Variants in RYR2 observed in about 807,000 individuals in gnomAD.
The protein encoded by RYR2 is cardiac muscle ryanodine receptor-calcium release channel.
In RYR2, 227 loss-of-function variants were observed where a neutral mutation model predicts 601.1. The ratio of observed to expected loss-of-function variants is 0.38; its 90% CI spans 0.34 to 0.42. The LOEUF (loss-of-function observed/expected upper bound fraction) is 0.42, where lower values mean the gene tolerates loss of function less well. Ranked by LOEUF, RYR2 falls within the 10% of genes least tolerant of loss-of-function variation. The probability of loss-of-function intolerance (pLI) is 1.00; values close to 1 mark genes in which losing one functional copy is unlikely to be tolerated. For synonymous variants in RYR2, 2,223 were observed against 2,175.1 expected (o/e 1.02, Z -0.61); for missense variants, 4,646 against 6,156.5 (o/e 0.75, Z 8.21).
At chr1:237,672,349 A>C (rs1422114547) in intron 58 of RYR2, among the ~76,000 whole-genome samples, 1 of 152,192 alleles carries the variant, frequency 6.6e-6, no homozygotes. Context: ...ATTACAAATT[A>C]AGTTGCCAAA....
chr1:237,528,950 T>G (rs1487645667), intron 24 of RYR2, among the ~76,000 whole-genome samples: 1 of 152,166 alleles, frequency 6.6e-6, no homozygotes, highest in Non-Finnish European at 1.5e-5. Context: ...AATCCTAATA[T>G]TATGATCAAT....
chr1:237,501,955 A>G (rs1003732425), intron 21 of RYR2, among the ~76,000 whole-genome samples: 5 of 152,186 alleles, frequency 3.3e-5, no homozygotes, highest in Non-Finnish European at 5.9e-5. Context: ...AGCCTGGTCA[A>G]CACAGTGAGA....
chr1:237,108,816 A>T (rs1461243682), intron 1 of RYR2, among the ~76,000 whole-genome samples: 1 of 152,186 alleles, frequency 6.6e-6, no homozygotes, highest in Non-Finnish European at 1.5e-5. Context: ...TGTGCTTTCC[A>T]CCAGCGTTCC....
In RYR2 at chr1:237,590,020, A is replaced by T. The variant is rs1674971426; in HGVS notation, c.3807+19A>T. On this transcript the variant is annotated intron_variant, in intron 30 of 104. Coordinates refer to ENST00000366574, the MANE Select transcript of RYR2 (RefSeq NM_001035.3). Reference sequence around the variant, plus strand: ...TATAGAGGTTTGCTTTTTCTTTAAAAATCAGGCCATTTCTAAAAAGCAGGA... The same window carrying T: ...TATAGAGGTTTGCTTTTTCTTTAAATATCAGGCCATTTCTAAAAAGCAGGA... 6.3e-7 allele frequency: 1 copy of T among 1,598,888 alleles called. No individual in the cohort carries two copies. The highest frequency in any genetic ancestry group is 1.7e-5 in the Admixed American group (1 of 58,274).
chr1:237,754,180 A>G (rs766052491), intron 80 of RYR2, among the ~76,000 whole-genome samples: 11 of 149,328 alleles, frequency 7.4e-5, no homozygotes, highest in Non-Finnish European at 1.3e-4. Context: ...AATGACTTTC[A>G]TCATCTTCCT....
At chr1:237,372,602 T>C (rs570441425) in intron 6 of RYR2, among the ~76,000 whole-genome samples, 1 of 152,328 alleles carries the variant, frequency 6.6e-6, no homozygotes, top group East Asian at 1.9e-4. Context: ...CAATCACATA[T>C]TAAAATTTAA....
At chr1:237,327,322 C>G (rs1369558428) in intron 2 of RYR2, among the ~76,000 whole-genome samples, 1 of 152,026 alleles carries the variant, frequency 6.6e-6, no homozygotes, top group African/African-American at 2.4e-5. Context: ...TGCTAACTCC[C>G]ACGATCTGAA....
Position 237,610,532 on chromosome 1 carries a change from C to T in RYR2, c.4684-230C>T, listed in dbSNP as rs905149837. Among the ~76,000 whole-genome samples the T allele has an allele frequency of 2.0e-5, 3 of 152,166 alleles. No homozygotes were observed. The highest frequency in any genetic ancestry group is 7.2e-5 in the African/African-American group (3 of 41,436). On this transcript the variant is annotated intron_variant, in intron 35 of 104. Transcript: ENST00000366574. This position sits in a 1 kb window ranked among gnomAD's most constrained non-coding sequence, Gnocchi z 4.9. ...TATATGGGAAAGACACATCCCGAAA[C>T]CTGTTTGACTGCCCGGAAGGTGTAG...
intron 94 of RYR2, among the ~76,000 whole-genome samples, chr1:237,792,528 G>A (rs1381288423): frequency 2.0e-5 from 3 of 151,990 alleles, no homozygotes. Context: ...GGCAAATGGA[G>A]GAAGGATGGG....
chr1:237,241,598 T>C (rs922681595), intron 1 of RYR2, among the ~76,000 whole-genome samples: 11 of 152,018 alleles, frequency 7.2e-5, no homozygotes, highest in African/African-American at 2.4e-4. Context: ...ATTAAGAAAG[T>C]AAAGGAATAA....
chr1:237,237,374 G>A (rs1337610963), intron 1 of RYR2, among the ~76,000 whole-genome samples: 1 of 152,124 alleles, frequency 6.6e-6, no homozygotes, highest in African/African-American at 2.4e-5. Flanking sequence ...AAAATTCTAA[G>A]CCTCCAACTG....
intron 79 of RYR2, among the ~76,000 whole-genome samples, chr1:237,736,915 G>C (rs976257832): frequency 6.6e-6 from 1 of 152,154 alleles, no homozygotes; most frequent in East Asian, 1.9e-4. Context: ...CCAGACTCTT[G>C]TTGAGAACAG....
chr1:237,773,778 AT>A, intron 87 of RYR2, 130 bp downstream of exon 87: 1 of 702,964 alleles, frequency 1.4e-6, no homozygotes, highest in Non-Finnish European at 2.3e-6. Flanking sequence ...CAATTAAAAT[AT>A]TAGGTTGAGA....
intron 1 of RYR2, among the ~76,000 whole-genome samples, chr1:237,237,755 C>T (rs11587851): frequency 0.27 from 40,723 of 151,900 alleles, 6,377 homozygotes; most frequent in Admixed American, 0.38. Flanking sequence ...TAGTCTTTTC[C>T]GAATTGACTA....
At chr1:237,250,575 A>G (rs1308703851) in intron 1 of RYR2, among the ~76,000 whole-genome samples, 2 of 152,062 alleles carry the variant, frequency 1.3e-5, no homozygotes, top group African/African-American at 2.4e-5. Flanking sequence ...CCTGTCTCGT[A>G]TTCCTCAAAG....
At chr1:237,284,543 T>C (rs1318534837) in intron 2 of RYR2, among the ~76,000 whole-genome samples, 4 of 59,080 alleles carry the variant, frequency 6.8e-5, no homozygotes, top group African/African-American at 1.5e-4. Context: ...ATATATATAG[T>C]GTGTGTATAT....
chr1:237,682,203 AAG>A (rs1252388560), intron 62 of RYR2, among the ~76,000 whole-genome samples: 1 of 152,102 alleles, frequency 6.6e-6, no homozygotes, highest in Non-Finnish European at 1.5e-5. Flanking sequence ...TACCTCTATA[AAG>A]CTGGAAAAAT....
chr1:237,093,851 G>C (rs142102730), intron 1 of RYR2, among the ~76,000 whole-genome samples: 1 of 152,194 alleles, frequency 6.6e-6, no homozygotes, highest in African/African-American at 2.4e-5. Context: ...TTCTTCTCAC[G>C]CTGCTGTGAA....
chr1:237,781,460 G>C (rs1301917589), intron 88 of RYR2, 105 bp from the exon 89 acceptor site: 2 of 621,270 alleles, frequency 3.2e-6, no homozygotes, highest in Non-Finnish European at 5.8e-6. Context: ...GCTTCAAGTG[G>C]TTACTATTTA....
Sources: allele counts gnomAD v4.1 joint callset (sites outside exome capture counted in the v4.1 genomes callset), GRCh38; gene constraint gnomAD v4.1.1; non-coding constraint Gnocchi (gnomAD v3.1); transcripts MANE v1.5; gene names NCBI Gene and HGNC (gene_info 2026-07-23, HGNC 2026-07-21).